Variants in PCDHGA4 observed in about 807,000 individuals in gnomAD.
The protein encoded by PCDHGA4 is protocadherin gamma subfamily A, 4.
Under a neutral mutation model 54.6 loss-of-function variants are expected in PCDHGA4, and 38 were observed. That is an observed-to-expected ratio of 0.70 (90% confidence interval 0.54 to 0.91). The LOEUF is 0.91. Among genes scored for constraint, PCDHGA4 ranks in the 40% least tolerant of loss-of-function variants. PCDHGA4 has a pLI of 0.00. For synonymous variants in PCDHGA4, 511 were observed against 512.9 expected (o/e 1.00, Z 0.05); for missense variants, 1,298 against 1,220.9 (o/e 1.06, Z -0.94).
intron 1 of PCDHGA4, among the ~76,000 whole-genome samples, chr5:141,369,705 A>G (rs1766444941): frequency 6.6e-6 from 1 of 152,376 alleles, no homozygotes; most frequent in East Asian, 1.9e-4. Flanking sequence ...AAGCTATGAC[A>G]TTATAACTTT....
chr5:141,473,299 G>T (rs182316672), intron 1 of PCDHGA4, among the ~76,000 whole-genome samples: 5 of 152,228 alleles, frequency 3.3e-5, no homozygotes, highest in Admixed American at 1.3e-4. Flanking sequence ...GTAGCATAAA[G>T]ATTGCTATAT....
At chr5:141,381,178 G>A (rs1267503052) in intron 1 of PCDHGA4, among the ~76,000 whole-genome samples, 1 of 152,222 alleles carries the variant, frequency 6.6e-6, no homozygotes, top group African/African-American at 2.4e-5. Flanking sequence ...CCCACAAAAC[G>A]AAGTTAAGCT....
intron 1 of PCDHGA4, chr5:141,422,844 G>A: frequency 6.2e-7 from 1 of 1,614,238 alleles, no homozygotes; most frequent in Non-Finnish European, 8.5e-7. Context: ...GTGACAGCGG[G>A]GACCCGCCCC....
intron 1 of PCDHGA4, among the ~76,000 whole-genome samples, chr5:141,438,511 C>G (rs1436337566): frequency 6.8e-6 from 1 of 146,550 alleles, no homozygotes; most frequent in Non-Finnish European, 1.5e-5. Context: ...AGTGCAAAAC[C>G]AATTATTTTA....
chr5:141,385,609 A>AT (rs1360178959), intron 1 of PCDHGA4: 2 of 1,138,046 alleles, frequency 1.8e-6, no homozygotes, highest in African/African-American at 3.2e-5. Flanking sequence ...TAACTCATAT[A>AT]TTTTATACAT....
At position 141,356,117 on chromosome 5, in the gene PCDHGA4, G is replaced by T. The variant is rs1012623543; in HGVS notation, c.1010G>T (p.Gly337Val). 4 of 1,613,752 alleles carry T rather than the reference G, an allele frequency of 2.5e-6. No individual in the cohort carries two copies. The highest frequency in any genetic ancestry group is 3.4e-6 in the Non-Finnish European group (4 of 1,179,878). ...AGTGGGGATATAACAATATTGGGGG[G>T]TCTAGATTATGAGGACTCTGGATTC... Reference protein sequence around the residue: ...SLSGDITILGGLDYEDSGFYD... With the variant: ...SLSGDITILGVLDYEDSGFYD... Residue 337 changes from glycine (G) to valine (V), a missense_variant, in exon 1 of 4, where the codon GGT becomes GTT. Coordinates refer to ENST00000571252, the MANE Select transcript of PCDHGA4 (RefSeq NM_018917.4).
chr5:141,417,754 C>A, intron 1 of PCDHGA4: 2 of 1,431,302 alleles, frequency 1.4e-6, no homozygotes, highest in Non-Finnish European at 1.8e-6. Flanking sequence ...TTGCCAGCTC[C>A]GAGACCCGGG....
chr5:141,372,672 T>A, intron 1 of PCDHGA4: 1 of 1,613,978 alleles, frequency 6.2e-7, no homozygotes. Context: ...TGCCTCACAT[T>A]CCTCAAACAC....
chr5:141,357,722 C>A, intron 1 of PCDHGA4, 101 bp downstream of exon 1: 1 of 1,415,030 alleles, frequency 7.1e-7, no homozygotes, highest in Non-Finnish European at 9.5e-7. Context: ...AAAGTTGCCT[C>A]TTTTAATATT....
intron 1 of PCDHGA4, chr5:141,385,077 G>A (rs752305852): frequency 9.9e-6 from 16 of 1,614,096 alleles, no homozygotes; most frequent in Non-Finnish European, 1.4e-5. Flanking sequence ...GCCTGCTGCA[G>A]GCTTCAGAAG....
chr5:141,468,651 G>C (rs2099171216), intron 1 of PCDHGA4: 1 of 152,018 alleles, frequency 6.6e-6, no homozygotes, highest in African/African-American at 2.4e-5. Context: ...CGGATCACAA[G>C]GTCAGGAGAT....
At chr5:141,392,577 T>C in intron 1 of PCDHGA4, 1 of 462,996 alleles carries the variant, frequency 2.2e-6, no homozygotes. Context: ...TTTAGGACTG[T>C]AAGCGCCGCT....
chr5:141,384,352 G>T, intron 1 of PCDHGA4: 1 of 1,613,842 alleles, frequency 6.2e-7, no homozygotes, highest in Non-Finnish European at 8.5e-7. Flanking sequence ...TGAGGATAAT[G>T]CCCAGATCAC....
rs201968743 is a variant in PCDHGA4, at chr5:141,490,095, A to G, written c.2515-4712A>G. On this transcript the variant is annotated intron_variant, in intron 1 of 3. Coordinates refer to ENST00000571252, the MANE Select transcript of PCDHGA4 (RefSeq NM_018917.4). The surrounding 1 kb of genome is among the most constrained non-coding windows in gnomAD (Gnocchi z 5.4). ...TAGACTATTCTTTTGGAGACCACAC[A>G]TCTGAGGCAGTGCGGAACCTCTTTG... 2.4e-4 allele frequency: 394 copies of G among 1,614,156 alleles called. No individual in the cohort carries two copies. The highest frequency in any genetic ancestry group is 3.1e-4 in the Non-Finnish European group (363 of 1,180,054).
chr5:141,391,071 T>C (rs905482954), intron 1 of PCDHGA4: 2 of 152,220 alleles, frequency 1.3e-5, no homozygotes, highest in African/African-American at 4.8e-5. Context: ...CCCTAATATA[T>C]AATGTGTAAC....
intron 1 of PCDHGA4, chr5:141,374,833 T>A (rs761729063): frequency 6.2e-7 from 1 of 1,613,930 alleles, no homozygotes; most frequent in East Asian, 2.2e-5. Context: ...ACCGTGTAAG[T>A]GTTCCTGAAA....
In PCDHGA4 at chr5:141,487,000, G is replaced by A. The variant is rs1410493699; in HGVS notation, c.2515-7807G>A. On this transcript the variant is annotated intron_variant, in intron 1 of 3. Transcript: ENST00000571252. The surrounding 1 kb of genome is among the most constrained non-coding windows in gnomAD (Gnocchi z 5.0). ...GTTACAATGCTTGGGTTTCCTATCA[G>A]CTCCTGGAGGCCCCAGATCCCAGCC... The A allele has an allele frequency of 6.2e-7, 1 of 1,614,194 alleles. No homozygotes were observed. The highest frequency in any genetic ancestry group is 8.5e-7 in the Non-Finnish European group (1 of 1,180,036).
At chr5:141,399,942 G>T (rs780939486) in intron 1 of PCDHGA4, 2 of 1,612,258 alleles carry the variant, frequency 1.2e-6, no homozygotes, top group Admixed American at 3.3e-5. Flanking sequence ...ACCACGTGCT[G>T]CAGGCTAGCG....
At chr5:141,426,581 CCT>C (rs898552856) in intron 1 of PCDHGA4, 1 of 358,350 alleles carries the variant, frequency 2.8e-6, no homozygotes, top group Non-Finnish European at 5.6e-6. Flanking sequence ...TCTTCAAAAT[CCT>C]CTGTGTCATA....
Sources: allele counts gnomAD v4.1 joint callset (sites outside exome capture counted in the v4.1 genomes callset), GRCh38; gene constraint gnomAD v4.1.1; non-coding constraint Gnocchi (gnomAD v3.1); transcripts MANE v1.5; gene names NCBI Gene and HGNC (gene_info 2026-07-23, HGNC 2026-07-21).